Variants in LRRC59 observed in about 807,000 individuals in gnomAD.
LRRC59 encodes leucine rich repeat containing 59.
LRRC59 carries 18 observed loss-of-function variants against 33.5 expected under a neutral mutation model. That is an observed-to-expected ratio of 0.54 (90% CI 0.37 to 0.80). The LOEUF is 0.80. LRRC59 is among the 30% of genes least tolerant of loss of function. The pLI, the probability that LRRC59 is intolerant of heterozygous loss-of-function variation, is 0.00. For synonymous variants in LRRC59, 138 were observed against 160.0 expected (o/e 0.86, Z 1.04); for missense variants, 330 against 391.9 (o/e 0.84, Z 1.33).
intron 2 of LRRC59, among the ~76,000 whole-genome samples, chr17:50,393,465 C>G (rs1012795913): frequency 2.0e-5 from 3 of 152,148 alleles, no homozygotes; most frequent in Non-Finnish European, 2.9e-5. Flanking sequence ...ATCAGGCACT[C>G]CTGGAGTACT....
intron 2 of LRRC59, among the ~76,000 whole-genome samples, chr17:50,394,671 G>A (rs990790080): frequency 1.3e-5 from 2 of 152,188 alleles, no homozygotes; most frequent in African/African-American, 4.8e-5. Context: ...TCAGCACCCT[G>A]TTGAGTTTAG....
In LRRC59 at chr17:50,397,430, C is replaced by A. The variant is rs1418196359; in HGVS notation, c.-113G>T. The A allele has an allele frequency of 1.4e-6, 1 of 706,828 alleles. No homozygotes were observed. The highest frequency in any genetic ancestry group is 2.2e-6 in the Non-Finnish European group (1 of 463,776). 43.8% of individuals were successfully genotyped at this position (706,828 alleles called of 1,614,324 possible). ...CCCAAACGACGACGCCTGAGCCCTCCGTCGCCGCCGATGCGAGACCGCCTC... is the reference window on the plus strand; with the variant it reads ...CCCAAACGACGACGCCTGAGCCCTCAGTCGCCGCCGATGCGAGACCGCCTC... On this transcript the variant is annotated 5_prime_UTR_variant, in exon 1 of 7. Coordinates refer to ENST00000225972, the MANE Select transcript of LRRC59 (RefSeq NM_018509.4).
Position 50,381,373 on chromosome 17 carries a change from TATG to T in LRRC59, c.*1612_*1614del, listed in dbSNP as rs1385365157. On this transcript the variant is annotated 3_prime_UTR_variant, in exon 7 of 7. Transcript: ENST00000225972. The stretch of plus-strand genomic sequence containing the variant: ...GCCTCAACCGGCCAAGGAACGGGAT[TATG>T]ATGACTATGCGGACTTCTATATTGT... 4.5e-5 allele frequency: 9 copies of T among 197,830 alleles called. No individual in the cohort carries two copies. Among genetic ancestry groups the T allele is most frequent in the African/African-American group, 1.4e-4 (6 of 43,228 alleles). The allele number at this position is 197,830 out of a possible 1,614,324, so 12.3% of individuals were successfully genotyped here. A position where few individuals can be genotyped will look rare whatever the true frequency, so the allele number is the denominator to read the frequency against.
intron 1 of LRRC59, chr17:50,396,269 C>G (rs1914270180): frequency 6.6e-6 from 1 of 152,214 alleles, no homozygotes; most frequent in African/African-American, 2.4e-5. Context: ...ATTTAACCTC[C>G]CAATAAGCGT....
At position 50,387,424 on chromosome 17, in the gene LRRC59, A is replaced by G. The variant is rs77106388; in HGVS notation, c.502+636T>C. Among the ~76,000 whole-genome samples the G allele has an allele frequency of 4.4e-3, 676 of 152,352 alleles. 4 individuals carry two copies. The highest frequency in any genetic ancestry group is 0.015 in the African/African-American group (643 of 41,584). On this transcript the variant is annotated intron_variant, in intron 5 of 6. Transcript: ENST00000225972. The stretch of plus-strand genomic sequence containing the variant: ...AAGGTGGGTTTTGCTGGCCTTGTCA[A>G]TGAGTTTGGATTTCATTCTAAGTTC...
At position 50,388,167 on chromosome 17, in the gene LRRC59, T is replaced by C. The variant is rs776676449; in HGVS notation, c.430-35A>G. On this transcript the variant is annotated intron_variant, in intron 4 of 6. Transcript: ENST00000225972. Reference sequence around the variant, plus strand: ...AAAAGGAGGAAAGTAGTGCTCTTCATAGTCATGTTTGCTCAGGGAAGTCTC... The same window carrying C: ...AAAAGGAGGAAAGTAGTGCTCTTCACAGTCATGTTTGCTCAGGGAAGTCTC... The C allele has an allele frequency of 5.0e-6, 8 of 1,589,338 alleles. No individual in the cohort carries two copies. The South Asian group carries it at 5.5e-5, about 11-fold the overall frequency.
intron 3 of LRRC59, 69 bp downstream of exon 3, chr17:50,392,670 G>A: frequency 6.3e-7 from 1 of 1,586,934 alleles, no homozygotes; most frequent in Non-Finnish European, 8.6e-7. Context: ...GCCTTTCTCA[G>A]GGCCGTGCTC....
At chr17:50,383,852 C>A (rs1330351162) in intron 6 of LRRC59, among the ~76,000 whole-genome samples, 1 of 151,914 alleles carries the variant, frequency 6.6e-6, no homozygotes, top group East Asian at 2.0e-4. Context: ...CTTGACTGAT[C>A]ATCCACAATG....
At position 50,383,093 on chromosome 17, in the gene LRRC59, C is replaced by G. The variant is rs1207925692; in HGVS notation, c.819G>C (p.Gln273His). The change falls in exon 7 of 7, where the codon CAG becomes CAC. Residue 273 changes from glutamine to histidine, a missense_variant. Transcript: ENST00000225972. ...TGTTCACGCTGGTGCAGAGGGGCTG[C>G]TGCTGCAGCTCTGTCACCCGACAAG... Reference protein sequence around the residue: ...LVACRVTELQQQPLCTSVNTI... With the variant: ...LVACRVTELQHQPLCTSVNTI... 10 of 1,604,740 alleles carry G rather than the reference C, an allele frequency of 6.2e-6. No individual in the cohort carries two copies. The highest frequency in any genetic ancestry group is 8.5e-6 in the Non-Finnish European group (10 of 1,177,078).
chr17:50,388,136 CAAAGGAAAA>C lies in LRRC59; in HGVS notation c.430-13_430-5del. The C allele has an allele frequency of 6.2e-7, 1 of 1,614,064 alleles. No homozygotes were observed. The highest frequency in any genetic ancestry group is 2.2e-5 in the East Asian group (1 of 44,892). On this transcript the variant is annotated splice_region_variant and splice_polypyrimidine_tract_variant and intron_variant, in intron 4 of 6. Coordinates refer to ENST00000225972, the MANE Select transcript of LRRC59 (RefSeq NM_018509.4). The stretch of plus-strand genomic sequence containing the variant: ...CGGCCTTCATGTGCTGTAACACCTG[CAAAGGAAAA>C]GGAGGAAAGTAGTGCTCTTCATAGT...
chr17:50,383,106 G>A lies in LRRC59; in HGVS notation c.806C>T (p.Thr269Ile), dbSNP rs1483061100. The change falls in exon 7 of 7, where the codon ACA becomes ATA. Residue 269 changes from threonine to isoleucine, a missense_variant. Transcript: ENST00000225972. Reference sequence around the variant, plus strand: ...GCAGAGGGGCTGCTGCTGCAGCTCTGTCACCCGACAAGCAACCAGCCCTCC... The same window carrying A: ...GCAGAGGGGCTGCTGCTGCAGCTCTATCACCCGACAAGCAACCAGCCCTCC... ...VAGGLVACRV[T>I]ELQQQPLCTS... 6.3e-7 allele frequency: 1 copy of A among 1,589,248 alleles called. No homozygotes were observed. The highest frequency in any genetic ancestry group is 1.3e-5 in the African/African-American group (1 of 74,736).
At chr17:50,392,702 C>T (rs780979448) in intron 3 of LRRC59, 37 bp downstream of exon 3, 11 of 1,606,584 alleles carry the variant, frequency 6.8e-6, no homozygotes, top group Non-Finnish European at 9.4e-6. Context: ...AGTTCTCTGC[C>T]ACCCTGGCCA....
chr17:50,388,140 G>A lies in LRRC59; in HGVS notation c.430-8C>T. The A allele has an allele frequency of 3.1e-6, 5 of 1,613,900 alleles. No individual in the cohort carries two copies. Among genetic ancestry groups the A allele is most frequent in the Non-Finnish European group, 4.2e-6 (5 of 1,179,782 alleles). On this transcript the variant is annotated splice_region_variant and splice_polypyrimidine_tract_variant and intron_variant, in intron 4 of 6. Coordinates refer to ENST00000225972, the MANE Select transcript of LRRC59 (RefSeq NM_018509.4). ...CTTCATGTGCTGTAACACCTGCAAA[G>A]GAAAAGGAGGAAAGTAGTGCTCTTC...
rs147892916 is a variant in LRRC59 at position 50,393,396 on chromosome 17, C to T, written c.166-499G>A. Among the ~76,000 whole-genome samples, 235 of 142,770 alleles carry T rather than the reference C, an allele frequency of 1.6e-3. 2 individuals are homozygous for T. Among genetic ancestry groups the T allele is most frequent in the Non-Finnish European group, 2.8e-3 (177 of 63,368 alleles). 93.7% of individuals were successfully genotyped at this position (142,770 alleles called of 152,430 possible). A position where few individuals can be genotyped will look rare whatever the true frequency, so the allele number is the denominator to read the frequency against. On this transcript the variant is annotated intron_variant, in intron 2 of 6. Coordinates refer to ENST00000225972, the MANE Select transcript of LRRC59 (RefSeq NM_018509.4). ...ACCCATTCTGTCCTTCCACAGCACCCTATGCTCACCATTCATAGGATCTGT... is the reference window on the plus strand; with the variant it reads ...ACCCATTCTGTCCTTCCACAGCACCTTATGCTCACCATTCATAGGATCTGT...
Position 50,382,874 on chromosome 17 carries a change from C to G in LRRC59, c.*114G>C. On this transcript the variant is annotated 3_prime_UTR_variant, in exon 7 of 7. Transcript: ENST00000225972. ...GGAGGTCTCATGTACCAATCTGCAGCCATTTGATGATGGCAGGTAGGTCTG... is the reference window on the plus strand; with the variant it reads ...GGAGGTCTCATGTACCAATCTGCAGGCATTTGATGATGGCAGGTAGGTCTG... 2.3e-6 allele frequency: 3 copies of G among 1,332,510 alleles called. No individual in the cohort carries two copies. The highest frequency in any genetic ancestry group is 3.1e-6 in the Non-Finnish European group (3 of 975,358). 82.5% of individuals were successfully genotyped at this position (1,332,510 alleles called of 1,614,324 possible). A position where few individuals can be genotyped will look rare whatever the true frequency, so the allele number is the denominator to read the frequency against.
chr17:50,395,042 C>T, intron 1 of LRRC59, 54 bp from the exon 2 acceptor site: 2 of 1,233,908 alleles, frequency 1.6e-6, no homozygotes, highest in Non-Finnish European at 2.4e-6. Context: ...GAACAATTCA[C>T]TGACATATGT....
At chr17:50,387,958 G>A (rs892932979) in intron 5 of LRRC59, 102 bp downstream of exon 5, 7 of 1,153,692 alleles carry the variant, frequency 6.1e-6, no homozygotes, top group Admixed American at 5.1e-5. Flanking sequence ...CCCACTAACT[G>A]TTCTTCATGA....
At position 50,394,930 on chromosome 17, in the gene LRRC59, G is replaced by A. The variant is rs1331040704; in HGVS notation, c.164C>T (p.Pro55Leu). The change falls in exon 2 of 7, where the codon CCG (proline) becomes CTG (leucine). Residue 55 changes from proline (P) to leucine (L), a missense_variant and splice_region_variant. Transcript: ENST00000225972. ...DLSCNKLTTLPSDFCGLTHLV... is the reference protein window; with the variant it reads ...DLSCNKLTTLLSDFCGLTHLV... ...GTCACGGCTGCATGCCAATCTTACC[G>A]GTAGAGTAGTCAGTTTATTACAAGA... The A allele has an allele frequency of 3.8e-6, 6 of 1,594,792 alleles. No homozygotes were observed. The highest frequency in any genetic ancestry group is 5.1e-6 in the Non-Finnish European group (6 of 1,166,922).
At chr17:50,387,911 AGAC>A (rs1478240098) in intron 5 of LRRC59, 146 bp downstream of exon 5, 1 of 752,364 alleles carries the variant, frequency 1.3e-6, no homozygotes, top group Non-Finnish European at 2.3e-6. Context: ...CATCAGATAA[AGAC>A]GATACCATCC....
Sources: gnomAD v4.1 joint callset for allele counts (sites outside exome capture counted in the v4.1 genomes callset) on GRCh38, gnomAD v4.1.1 for gene constraint, MANE v1.5 for transcripts, NCBI Gene and HGNC (gene_info 2026-07-23, HGNC 2026-07-21) for gene names.